UNC13C: variants seen among roughly 807,000 people sequenced by gnomAD.
The protein encoded by UNC13C is protein unc-13 homolog C.
A neutral mutation model predicts 245.4 loss-of-function variants in UNC13C; 174 were observed. The ratio of observed to expected loss-of-function variants is 0.71; its 90% confidence interval spans 0.63 to 0.80. UNC13C has a LOEUF of 0.80. UNC13C is among the 30% of genes least tolerant of loss of function. UNC13C has a pLI of 0.00. For missense variants in UNC13C, 2,829 were observed against 2,602.9 expected (o/e 1.09, Z -1.89); for synonymous variants, 992 against 895.1 (o/e 1.11, Z -1.93).
chr15:54,193,815 A>G lies in UNC13C; in HGVS notation c.3072-41215A>G, dbSNP rs192443912. On this transcript the variant is annotated intron_variant, in intron 4 of 32. Coordinates refer to ENST00000260323, the MANE Select transcript of UNC13C (RefSeq NM_001080534.3). ...ATAGCACTGATTGCCAAATGTACAA[A>G]TATGGATTTGATTTATCACACTGCT... Among the ~76,000 whole-genome samples the G allele has an allele frequency of 1.1e-3, 166 of 152,292 alleles. 4 individuals are homozygous for G. The Middle Eastern group carries it at 0.014, about 12-fold the overall frequency.
the UNC13C span, among the ~76,000 whole-genome samples, chr15:53,925,862 CT>C: frequency 2.6e-5 from 4 of 152,222 alleles, no homozygotes; most frequent in Non-Finnish European, 5.9e-5. Context: ...AGGTGCTTCT[CT>C]TTTGTGACTA....
intron 30 of UNC13C, among the ~76,000 whole-genome samples, chr15:54,568,902 G>T (rs2056340): frequency 0.33 from 49,838 of 151,536 alleles, 8,449 homozygotes; most frequent in East Asian, 0.54. Flanking sequence ...AACACTCTGT[G>T]CTTTTTGATA....
At position 54,338,381 on chromosome 15, in the gene UNC13C, C is replaced by A. The variant is rs769670170; in HGVS notation, c.4605C>A (p.Pro1535=). The change falls in exon 17 of 33, where the codon CCC becomes CCA. Residue 1535 remains proline, a synonymous_variant. Coordinates refer to ENST00000260323, the MANE Select transcript of UNC13C (RefSeq NM_001080534.3). The part of the protein sequence containing the change: ...FRMKVLELQS[P]PKASMVVKDC... ...GTCAGGTTCTGGAGCTGCAAAGCCC[C>A]CCAAAAGCGAGCATGGTGGTGAAGG... is the stretch of plus-strand genomic sequence containing the variant. 3.4e-5 allele frequency: 55 copies of A among 1,612,250 alleles called. No homozygotes were observed. Among genetic ancestry groups the A allele is most frequent in the Non-Finnish European group, 3.6e-5 (42 of 1,178,916 alleles).
intron 30 of UNC13C, among the ~76,000 whole-genome samples, chr15:54,602,634 C>T (rs1051518315): frequency 2.6e-5 from 4 of 152,046 alleles, no homozygotes; most frequent in Non-Finnish European, 5.9e-5. Flanking sequence ...TAACATATAG[C>T]ACAGAACAAA....
chr15:53,983,217 G>A (rs2251236), intron 1 of UNC13C, among the ~76,000 whole-genome samples: 59,823 of 151,870 alleles, frequency 0.39, 13,008 homozygotes, highest in East Asian at 0.56. Context: ...AGAGTCATTT[G>A]TGGAACAATG....
intron 19 of UNC13C, among the ~76,000 whole-genome samples, chr15:54,419,397 G>T (rs115293062): frequency 0.017 from 2,600 of 152,206 alleles, 69 homozygotes; most frequent in African/African-American, 0.06. Flanking sequence ...ACAGCTGGGT[G>T]CTCTGATACT....
chr15:54,363,454 G>T (rs1413102311), intron 17 of UNC13C, among the ~76,000 whole-genome samples: 2 of 152,154 alleles, frequency 1.3e-5, no homozygotes, highest in African/African-American at 2.4e-5. Flanking sequence ...CAAGTCATTT[G>T]ATACTAGTAT....
chr15:54,194,728 G>A (rs1396736602), intron 4 of UNC13C, among the ~76,000 whole-genome samples: 1 of 152,108 alleles, frequency 6.6e-6, no homozygotes, highest in Non-Finnish European at 1.5e-5. Context: ...ACCACTAGGA[G>A]TATAAGAAAG....
At chr15:53,846,487 A>G in the UNC13C span, among the ~76,000 whole-genome samples, 256 of 152,294 alleles carry the variant, frequency 1.7e-3, 1 homozygote, top group Middle Eastern at 3.4e-3. Flanking sequence ...TATTTTCCAC[A>G]TTTGTGGATT....
chr15:54,416,825 T>C (rs370660754), intron 19 of UNC13C: 19 of 443,774 alleles, frequency 4.3e-5, no homozygotes, highest in African/African-American at 3.4e-4. Flanking sequence ...GGTGCCACCA[T>C]TTATGCAGCT....
At chr15:54,391,693 T>C (rs548411472) in intron 17 of UNC13C, among the ~76,000 whole-genome samples, 8 of 152,272 alleles carry the variant, frequency 5.3e-5, no homozygotes, top group Admixed American at 1.3e-4. Context: ...TTCTGCAAGT[T>C]TTAACATCTG....
intron 2 of UNC13C, among the ~76,000 whole-genome samples, chr15:54,101,256 G>T (rs1900148063): frequency 6.6e-6 from 1 of 151,872 alleles, no homozygotes; most frequent in South Asian, 2.1e-4. Flanking sequence ...CACAGAGACA[G>T]AATAAAATCC....
intron 4 of UNC13C, among the ~76,000 whole-genome samples, chr15:54,181,417 T>C (rs984507947): frequency 6.6e-6 from 1 of 152,096 alleles, no homozygotes; most frequent in Admixed American, 6.6e-5. Context: ...TAGTATAGTT[T>C]GAAGGCAGGT....
intron 2 of UNC13C, among the ~76,000 whole-genome samples, chr15:54,047,992 A>G (rs911861561): frequency 2.0e-5 from 3 of 152,204 alleles, no homozygotes; most frequent in African/African-American, 7.2e-5. Flanking sequence ...AGAAAAATAT[A>G]AAACCAAGAA....
intron 10 of UNC13C, among the ~76,000 whole-genome samples, chr15:54,293,214 T>C (rs961365107): frequency 1.3e-5 from 2 of 151,824 alleles, no homozygotes; most frequent in African/African-American, 2.4e-5. Context: ...GATTGATTGG[T>C]TAACAGGCAA....
chr15:53,961,539 G>C, the UNC13C span, among the ~76,000 whole-genome samples: 1,270 of 152,284 alleles, frequency 8.3e-3, 24 homozygotes, highest in African/African-American at 0.028. Context: ...AGCATAGAGT[G>C]GTTAACAGTT....
At chr15:54,556,844 C>T (rs1253714963) in intron 29 of UNC13C, among the ~76,000 whole-genome samples, 1 of 151,904 alleles carries the variant, frequency 6.6e-6, no homozygotes, top group Non-Finnish European at 1.5e-5. Flanking sequence ...TAGGTCAATG[C>T]ATGGCTTTAG....
the UNC13C span, among the ~76,000 whole-genome samples, chr15:53,927,297 T>C: frequency 3.3e-3 from 510 of 152,248 alleles, 2 homozygotes; most frequent in African/African-American, 0.012. Flanking sequence ...TGGAGATCAC[T>C]TTGTTTGCTA....
chr15:54,436,875 A>G (rs528316110), intron 19 of UNC13C, among the ~76,000 whole-genome samples: 1 of 152,084 alleles, frequency 6.6e-6, no homozygotes, highest in Non-Finnish European at 1.5e-5. Context: ...AGGAATAGAA[A>G]AAATGCATTT....
Sources: gnomAD v4.1 joint callset for allele counts (sites outside exome capture counted in the v4.1 genomes callset) on GRCh38, gnomAD v4.1.1 for gene constraint, MANE v1.5 for transcripts, NCBI Gene and HGNC (gene_info 2026-07-23, HGNC 2026-07-21) for gene names.